The following ANK3 variants were observed in gnomAD, a reference collection of about 807,000 sequenced individuals.
ANK3 encodes the protein ankyrin 3.
In ANK3, 57 loss-of-function variants were observed where a neutral mutation model predicts 370.9. The observed-to-expected ratio is 0.15, with a 90% CI of 0.12 to 0.19. ANK3 has a LOEUF of 0.19. Ranked by LOEUF, ANK3 falls within the 10% of genes least tolerant of loss-of-function variation. The pLI is 1.00. For synonymous variants in ANK3, 1,929 were observed against 1,946.3 expected (o/e 0.99, Z 0.23); for missense variants, 4,439 against 5,302.1 (o/e 0.84, Z 5.06).
At chr10:60,139,510 G>C (rs2094479400) in intron 23 of ANK3, 1 of 158,064 alleles carries the variant, frequency 6.3e-6, no homozygotes, top group Admixed American at 6.5e-5. Context: ...TTATATGTGG[G>C]AAGGAAACAG....
At chr10:60,717,606 A>T (rs74157808) in intron 1 of ANK3, among the ~76,000 whole-genome samples, 2,218 of 152,350 alleles carry the variant, frequency 0.015, 53 homozygotes, top group African/African-American at 0.05. Flanking sequence ...AGTGTTTATA[A>T]CAATCCTATG....
intron 2 of ANK3, among the ~76,000 whole-genome samples, chr10:60,470,038 C>T (rs2065178159): frequency 2.6e-5 from 4 of 152,132 alleles, no homozygotes; most frequent in South Asian, 2.1e-4. Context: ...GGAGCAGAAT[C>T]GGAGTTGAAT....
At chr10:60,733,505 C>G, upstream of ANK3, 1 of 469,616 alleles carries the variant, frequency 2.1e-6, no homozygotes, top group Middle Eastern at 5.9e-4. Flanking sequence ...GCTGCGACCG[C>G]CAGGTGCCCG....
intron 2 of ANK3, among the ~76,000 whole-genome samples, chr10:60,399,751 G>T (rs2063317262): frequency 6.6e-6 from 1 of 152,034 alleles, no homozygotes; most frequent in Non-Finnish European, 1.5e-5. Context: ...GCTCCTTCCC[G>T]CAACAAACCA....
intron 1 of ANK3, among the ~76,000 whole-genome samples, chr10:60,373,786 A>G (rs560849287): frequency 2.0e-5 from 3 of 152,244 alleles, no homozygotes; most frequent in African/African-American, 7.2e-5. Flanking sequence ...AGTGAGGGAT[A>G]TAGCCGTCCT....
At chr10:60,083,207 A>T (rs2085735221) in intron 33 of ANK3, among the ~76,000 whole-genome samples, 1 of 152,330 alleles carries the variant, frequency 6.6e-6, no homozygotes, top group Middle Eastern at 3.4e-3. Flanking sequence ...ACTGAACATT[A>T]ACCAGAAATA....
At chr10:60,717,297 T>A (rs920135384) in intron 1 of ANK3, among the ~76,000 whole-genome samples, 24 of 152,150 alleles carry the variant, frequency 1.6e-4, no homozygotes, top group East Asian at 1.3e-3. Flanking sequence ...TGTCAAAATA[T>A]CCACACCCTT....
intron 16 of ANK3, among the ~76,000 whole-genome samples, chr10:60,194,377 T>C (rs754594968): frequency 1.3e-5 from 2 of 152,220 alleles, no homozygotes; most frequent in Non-Finnish European, 2.9e-5. Context: ...GTCTTCCTAA[T>C]TGAGACTCTA....
rs34588522 is a variant in ANK3 at position 60,495,069 on chromosome 10, T to TA, written c.96+120116dup. Among the ~76,000 whole-genome samples, 704 of 152,240 alleles carry TA rather than the reference T, an allele frequency of 4.6e-3. 8 individuals are homozygous for TA. The highest frequency in any genetic ancestry group is 0.016 in the African/African-American group (679 of 41,538). On this transcript the variant is annotated intron_variant, in intron 2 of 43. Transcript: ENST00000373827. ...TCATCGCTCATCACTCATTCTTTTG[T>TA]AAAAAAGAGAAACTCTACCTCCTTT...
chr10:60,709,376 T>G (rs2079669206), intron 1 of ANK3, among the ~76,000 whole-genome samples: 1 of 152,090 alleles, frequency 6.6e-6, no homozygotes, highest in Admixed American at 6.5e-5. Context: ...GAGATTAGCC[T>G]AGGGCACCCA....
rs147026996 is a variant in ANK3, at chr10:60,117,366, G to A, written c.2842-3035C>T. ...CAAGTAAGAAAGCTCTAAGCGAGAT[G>A]AGGTAAGTAGACGAGACACATAGAT... On this transcript the variant is annotated intron_variant, in intron 25 of 43. Transcript: ENST00000280772. Among the ~76,000 whole-genome samples, 9 of 152,312 alleles carry A rather than the reference G, an allele frequency of 5.9e-5. 1 individual carries two copies. Among genetic ancestry groups the A allele is most frequent in the African/African-American group, 2.2e-4 (9 of 41,570 alleles).
chr10:60,209,083 T>C (rs555075423), intron 9 of ANK3, among the ~76,000 whole-genome samples: 5 of 152,180 alleles, frequency 3.3e-5, no homozygotes, highest in Admixed American at 1.3e-4. Flanking sequence ...TGTTTCCTAA[T>C]GAAGGCAAAA....
chr10:60,389,580 T>G lies in ANK3; in HGVS notation c.-42A>C, dbSNP rs111751546. ...TCCTCTCAAGCACACACGGCTTCCT[T>G]GTAAAAGGTGATATCCTCAGGCACC... On this transcript the variant is annotated 5_prime_UTR_variant, in exon 1 of 44. Transcript: ENST00000280772. The G allele has an allele frequency of 1.9e-6, 3 of 1,607,520 alleles. No individual in the cohort carries two copies. In the East Asian group the frequency reaches 6.7e-5, roughly 36 times the overall value.
At chr10:60,511,673 C>A (rs755618324) in intron 2 of ANK3, among the ~76,000 whole-genome samples, 6 of 152,136 alleles carry the variant, frequency 3.9e-5, no homozygotes, top group East Asian at 3.9e-4. Context: ...CATTAAGAGA[C>A]AAGACCTCAA....
At chr10:60,493,093 A>AG (rs1170335096) in intron 2 of ANK3, among the ~76,000 whole-genome samples, 1 of 151,496 alleles carries the variant, frequency 6.6e-6, no homozygotes, top group East Asian at 1.9e-4. Context: ...AAAAAAAAAA[A>AG]AAAAAGAAAA....
rs78361999 is a variant in ANK3, at chr10:60,685,396, GA to G, written c.57+47866del. Among the ~76,000 whole-genome samples the G allele has an allele frequency of 4.2e-3, 606 of 145,248 alleles. 2 individuals carry two copies. The highest frequency in any genetic ancestry group is 0.012 in the South Asian group (55 of 4,586). On this transcript the variant is annotated intron_variant, in intron 1 of 43. Transcript: ENST00000373827. ...TTAGTGAAATAAAACTCTAAAGAGT[GA>G]AAAAAAAAAATGTGGACATGGTTCT...
rs550554065 is a variant in ANK3 at position 60,353,911 on chromosome 10, G to A, written c.114+35514C>T. 3.9e-5 allele frequency among the ~76,000 whole-genome samples: 6 copies of A among 152,306 alleles called. No individual in the cohort carries two copies. The East Asian group carries it at 5.8e-4, about 15-fold the overall frequency. Reference sequence around the variant, plus strand: ...CAGCAGGCAGGGCCAGCAGAGCTACGTGCATTGTTATCAGCTCAGCCTGTG... The same window carrying A: ...CAGCAGGCAGGGCCAGCAGAGCTACATGCATTGTTATCAGCTCAGCCTGTG... On this transcript the variant is annotated intron_variant, in intron 1 of 43. Coordinates refer to ENST00000280772, the MANE Select transcript of ANK3 (RefSeq NM_020987.5).
chr10:60,290,737 C>A (rs568807001), intron 1 of ANK3, among the ~76,000 whole-genome samples: 38 of 152,254 alleles, frequency 2.5e-4, no homozygotes, highest in African/African-American at 8.4e-4. Flanking sequence ...GCCAGAAAGG[C>A]CCCTGCTGGT....
At chr10:60,710,022 G>C (rs1218021328) in intron 1 of ANK3, among the ~76,000 whole-genome samples, 1 of 152,068 alleles carries the variant, frequency 6.6e-6, no homozygotes, top group African/African-American at 2.4e-5. Context: ...TTTTTCTTTT[G>C]ATAACCTGAC....
Sources: allele counts gnomAD v4.1 joint callset (sites outside exome capture counted in the v4.1 genomes callset), GRCh38; gene constraint gnomAD v4.1.1; transcripts MANE v1.5; gene names NCBI Gene and HGNC (gene_info 2026-07-23, HGNC 2026-07-21).